PDE4B: variants seen among roughly 807,000 people sequenced by gnomAD.
The protein encoded by PDE4B is phosphodiesterase 4B, also known as 3',5'-cyclic-AMP phosphodiesterase 4B.
PDE4B carries 20 observed loss-of-function variants against 82.2 expected under a neutral mutation model. The ratio of observed to expected loss-of-function variants is 0.24; its 90% CI spans 0.17 to 0.35. PDE4B has a LOEUF of 0.35. PDE4B is among the 10% of genes least tolerant of loss of function. The probability of loss-of-function intolerance (pLI) is 1.00; values close to 1 mark genes in which losing one functional copy is unlikely to be tolerated. For synonymous variants in PDE4B, 320 were observed against 318.9 expected (o/e 1.00, Z -0.04); for missense variants, 655 against 907.2 (o/e 0.72, Z 3.57).
chr1:66,225,853 C>T (rs565975378), intron 3 of PDE4B, among the ~76,000 whole-genome samples: 1 of 152,174 alleles, frequency 6.6e-6, no homozygotes, highest in African/African-American at 2.4e-5. Flanking sequence ...CAATAAATTC[C>T]CCCTTGGGAG....
chr1:66,145,718 C>T (rs1646255769), intron 3 of PDE4B, among the ~76,000 whole-genome samples: 1 of 152,112 alleles, frequency 6.6e-6, no homozygotes, highest in Non-Finnish European at 1.5e-5. Flanking sequence ...GCTTTTATGC[C>T]TTAATTGCTT....
intron 3 of PDE4B, among the ~76,000 whole-genome samples, chr1:66,247,254 A>G (rs1179540416): frequency 6.6e-6 from 1 of 152,224 alleles, no homozygotes; most frequent in Admixed American, 6.5e-5. Context: ...ACTGAACTTC[A>G]GTGCGACTCA....
chr1:66,288,896 G>A (rs771191820), intron 7 of PDE4B, among the ~76,000 whole-genome samples: 3 of 152,186 alleles, frequency 2.0e-5, no homozygotes, highest in African/African-American at 7.2e-5. Flanking sequence ...TCATGATCCA[G>A]CTTTTTAAGT....
chr1:66,137,563 A>G (rs1038009196), intron 3 of PDE4B, among the ~76,000 whole-genome samples: 4 of 152,200 alleles, frequency 2.6e-5, no homozygotes, highest in Non-Finnish European at 4.4e-5. Flanking sequence ...TACCTAACAT[A>G]CAGATCTGGA....
At chr1:65,890,756 T>C (rs1365669711) in intron 1 of PDE4B, among the ~76,000 whole-genome samples, 1 of 151,934 alleles carries the variant, frequency 6.6e-6, no homozygotes, top group East Asian at 1.9e-4. Flanking sequence ...AGACATAATA[T>C]AGAATATTTA....
chr1:66,114,415 C>T (rs898296219), intron 3 of PDE4B, among the ~76,000 whole-genome samples: 1 of 151,832 alleles, frequency 6.6e-6, no homozygotes, highest in Non-Finnish European at 1.5e-5. Context: ...ATATAAAGTA[C>T]CAAATAATAA....
At chr1:66,259,296 A>T (rs184170895) in intron 6 of PDE4B, among the ~76,000 whole-genome samples, 136 of 152,320 alleles carry the variant, frequency 8.9e-4, no homozygotes, top group Non-Finnish European at 1.7e-3. Context: ...ACCAGAGCAG[A>T]CAAGTCCTCT....
At chr1:66,111,781 T>G (rs758024014) in intron 3 of PDE4B, among the ~76,000 whole-genome samples, 1 of 152,096 alleles carries the variant, frequency 6.6e-6, no homozygotes, top group African/African-American at 2.4e-5. Flanking sequence ...TTGGCCTGAT[T>G]TGTAGTTGAT....
At chr1:65,997,072 T>C (rs12087205) in intron 3 of PDE4B, among the ~76,000 whole-genome samples, 9,514 of 152,168 alleles carry the variant, frequency 0.063, 349 homozygotes, top group Middle Eastern at 0.2. Context: ...TCTTTCATCA[T>C]TAGCAACTTG....
chr1:66,366,869 CTA>C (rs1663290444), intron 13 of PDE4B, among the ~76,000 whole-genome samples: 1 of 152,184 alleles, frequency 6.6e-6, no homozygotes, highest in Non-Finnish European at 1.5e-5. Flanking sequence ...GAGGTTGTAA[CTA>C]AGAGCACACT....
At chr1:65,859,901 C>G (rs1182683776) in intron 1 of PDE4B, among the ~76,000 whole-genome samples, 2 of 152,202 alleles carry the variant, frequency 1.3e-5, no homozygotes, top group African/African-American at 2.4e-5. Context: ...TCTTGCCCTA[C>G]CCCTCGTTTT....
At chr1:65,978,803 A>G (rs1650540619) in intron 3 of PDE4B, among the ~76,000 whole-genome samples, 1 of 152,200 alleles carries the variant, frequency 6.6e-6, no homozygotes, top group Admixed American at 6.5e-5. Context: ...TGTTTTGAAT[A>G]CTGAATCATT....
intron 8 of PDE4B, among the ~76,000 whole-genome samples, chr1:66,339,915 T>C (rs1379216244): frequency 6.6e-6 from 1 of 151,818 alleles, no homozygotes; most frequent in Non-Finnish European, 1.5e-5. Context: ...TTGTTGTCTA[T>C]GAAAGAAAAA....
At position 66,027,676 on chromosome 1, in the gene PDE4B, G is replaced by A. The variant is rs544830460; in HGVS notation, c.281+108841G>A. 7.4e-4 allele frequency among the ~76,000 whole-genome samples: 113 copies of A among 152,250 alleles called. No homozygotes were observed. In the Middle Eastern group the frequency reaches 0.01, roughly 14 times the overall value. The stretch of plus-strand genomic sequence containing the variant: ...AGATACAATGGAGGTACAGGCATTG[G>A]GTAAATATAGCCATTCCAAATGGGA... On this transcript the variant is annotated intron_variant, in intron 3 of 16. Transcript: ENST00000341517.
intron 3 of PDE4B, among the ~76,000 whole-genome samples, chr1:66,223,898 T>A (rs571327869): frequency 6.6e-6 from 1 of 152,360 alleles, no homozygotes; most frequent in South Asian, 2.1e-4. Flanking sequence ...TCTGACTCAC[T>A]CTTTGTCTCC....
chr1:65,842,065 G>A (rs572717909), intron 1 of PDE4B, among the ~76,000 whole-genome samples: 1 of 152,218 alleles, frequency 6.6e-6, no homozygotes, highest in African/African-American at 2.4e-5. Flanking sequence ...TTACACCATG[G>A]ACAATTAGAG....
intron 3 of PDE4B, among the ~76,000 whole-genome samples, chr1:66,039,434 A>G (rs1937430): frequency 0.47 from 71,699 of 151,830 alleles, 17,580 homozygotes; most frequent in Non-Finnish European, 0.54. Context: ...ATCTAACAGT[A>G]TTATTATTCA....
intron 3 of PDE4B, among the ~76,000 whole-genome samples, chr1:66,169,533 A>G (rs999369825): frequency 1.3e-5 from 2 of 152,190 alleles, no homozygotes; most frequent in Non-Finnish European, 2.9e-5. Context: ...GTCATTCAGG[A>G]AATCTGACCC....
At chr1:66,146,331 C>T (rs1455227627) in intron 3 of PDE4B, among the ~76,000 whole-genome samples, 3 of 151,812 alleles carry the variant, frequency 2.0e-5, no homozygotes, top group Non-Finnish European at 2.9e-5. Context: ...CTACAGGCGC[C>T]GGCCACCATG....
Sources: gnomAD v4.1 joint callset for allele counts (sites outside exome capture counted in the v4.1 genomes callset) on GRCh38, gnomAD v4.1.1 for gene constraint, MANE v1.5 for transcripts, NCBI Gene and HGNC (gene_info 2026-07-23, HGNC 2026-07-21) for gene names.